PHLDB3: variants seen among roughly 807,000 people sequenced by gnomAD.
PHLDB3 encodes the protein pleckstrin homology like domain family B member 3, also known as pleckstrin homology-like domain family B member 3.
A neutral mutation model predicts 85.7 loss-of-function variants in PHLDB3; 86 were observed. The observed-to-expected ratio is 1.00, with a 90% CI of 0.84 to 1.20. The LOEUF (loss-of-function observed/expected upper bound fraction) is 1.20, where lower values mean the gene tolerates loss of function less well. Ranked by LOEUF, PHLDB3 falls within the 50% of genes most tolerant of loss-of-function variation. PHLDB3 has a pLI of 0.00. For missense variants in PHLDB3, 995 were observed against 873.0 expected (o/e 1.14, Z -1.76); for synonymous variants, 376 against 349.8 (o/e 1.07, Z -0.83).
intron 10 of PHLDB3, 61 bp from the exon 11 acceptor site, chr19:43,486,931 C>A: frequency 6.7e-7 from 1 of 1,481,600 alleles, no homozygotes; most frequent in Non-Finnish European, 9.0e-7. Flanking sequence ...CTATCCACTT[C>A]TCCCCTGCAG....
chr19:43,502,110 C>T lies in PHLDB3; in HGVS notation c.387G>A (p.Leu129=). 1.3e-6 allele frequency: 2 copies of T among 1,573,234 alleles called. No homozygotes were observed. Among genetic ancestry groups the T allele is most frequent in the Non-Finnish European group, 1.7e-6 (2 of 1,160,152 alleles). Residue 129 remains leucine, a synonymous_variant, in exon 3 of 16, where the codon CTG becomes CTA. Coordinates refer to ENST00000292140, the MANE Select transcript of PHLDB3 (RefSeq NM_198850.4). Reference sequence around the variant, plus strand: ...GGGTCCGCAGCCTCACCTCGATCCTCAGCTCCTTCCTCTGGCGCTGTAGCT... The same window carrying T: ...GGGTCCGCAGCCTCACCTCGATCCTTAGCTCCTTCCTCTGGCGCTGTAGCT... ...VKELQRQRKE[L]RIEMEVEVAL... is the part of the protein sequence containing the mutation.
In PHLDB3 at chr19:43,497,249, C is replaced by T; in HGVS notation, c.694G>A (p.Ala232Thr). 6.7e-7 allele frequency: 1 copy of T among 1,494,544 alleles called. No individual in the cohort carries two copies. Among genetic ancestry groups the T allele is most frequent in the Non-Finnish European group, 8.9e-7 (1 of 1,124,770 alleles). The allele number at this position is 1,494,544 out of a possible 1,614,324, so 92.6% of individuals were successfully genotyped here. A position where few individuals can be genotyped will look rare whatever the true frequency, so the allele number is the denominator to read the frequency against. Residue 232 changes from alanine to threonine, a missense_variant, in exon 6 of 16, where the codon GCC becomes ACC. Ala to Thr is a moderately conservative substitution (Grantham distance 58). Transcript: ENST00000292140. ...MREQLDVAQR[A>T]YEDLEFQQLE... ...TGCTGGAACTCCAGGTCCTCATAGG[C>T]ACGTTGGGCCACATCCAGTTGTTCC...
At chr19:43,496,291 A>G (rs1438409645) in intron 6 of PHLDB3, 1 of 152,204 alleles carries the variant, frequency 6.6e-6, no homozygotes, top group Non-Finnish European at 1.5e-5. Context: ...CTGGGATTAC[A>G]GGAGTGAGCC....
intron 4 of PHLDB3, among the ~76,000 whole-genome samples, chr19:43,499,687 T>A (rs761399565): frequency 6.6e-6 from 1 of 152,090 alleles, no homozygotes; most frequent in African/African-American, 2.4e-5. Flanking sequence ...CCTATAATGG[T>A]AACTGACCCA....
At chr19:43,487,689 C>T (rs1017734380) in intron 9 of PHLDB3, among the ~76,000 whole-genome samples, 13 of 151,322 alleles carry the variant, frequency 8.6e-5, no homozygotes, top group African/African-American at 2.9e-4. Flanking sequence ...ATCGGGGAAC[C>T]GAGAGGCTAA....
At chr19:43,503,644 G>T (rs1369569116) in intron 2 of PHLDB3, among the ~76,000 whole-genome samples, 2 of 152,028 alleles carry the variant, frequency 1.3e-5, no homozygotes, top group East Asian at 3.9e-4. Flanking sequence ...GCCCGTTTGG[G>T]TCTATCTCCG....
chr19:43,503,882 C>T (rs1416762901), intron 2 of PHLDB3, 24 bp downstream of exon 2: 1 of 1,613,040 alleles, frequency 6.2e-7, no homozygotes, highest in Admixed American at 1.7e-5. Flanking sequence ...AAGCCCCCCG[C>T]GCTGTCGCCC....
chr19:43,495,680 A>T, intron 6 of PHLDB3, 60 bp from the exon 7 acceptor site: 1 of 1,551,642 alleles, frequency 6.4e-7, no homozygotes, highest in South Asian at 1.2e-5. Context: ...CCTCCCACAG[A>T]ACCACATCTG....
intron 13 of PHLDB3, among the ~76,000 whole-genome samples, chr19:43,482,977 C>T (rs1568474203): frequency 6.6e-6 from 1 of 152,168 alleles, no homozygotes; most frequent in Admixed American, 6.6e-5. Context: ...GCTTTGTGTC[C>T]ATCTTCCCCC....
intron 15 of PHLDB3, among the ~76,000 whole-genome samples, chr19:43,476,416 G>A (rs932480396): frequency 5.9e-5 from 9 of 152,112 alleles, no homozygotes; most frequent in African/African-American, 2.2e-4. Context: ...AGGTTGAAGC[G>A]GATTGATTGC....
Position 43,487,585 on chromosome 19 carries a change from A to AAAACAAC in PHLDB3, c.1150-463_1150-462insGTTGTTT, listed in dbSNP as rs1555754918. Among the ~76,000 whole-genome samples, 9 of 141,708 alleles carry AAAACAAC rather than the reference A, an allele frequency of 6.4e-5. 1 individual carries two copies. Among genetic ancestry groups the AAAACAAC allele is most frequent in the Admixed American group, 3.5e-4 (5 of 14,282 alleles). The allele number at this position is 141,708 out of a possible 152,430, so 93.0% of individuals were successfully genotyped here. On this transcript the variant is annotated intron_variant, in intron 9 of 15. Coordinates refer to ENST00000292140, the MANE Select transcript of PHLDB3 (RefSeq NM_198850.4). ...GCAAGACTCTGTCTCAAAAAAAAAA[A>AAAACAAC]AAAAAAACACAGAAAAGAAAAAAAG...
chr19:43,479,415 CA>C lies in PHLDB3; in HGVS notation c.1663del (p.Cys555AlafsTer48), dbSNP rs746224551. ...CAAGCGGCGGGCTTGGCGGTCAAAG[CA>C]GAACCATCGCTTCCTCCAGGTCTTG... The part of the protein sequence containing the change: ...RIKTWRKRWF[C>X]FDRQARRLAY... On this transcript the variant is annotated frameshift_variant, in exon 14 of 16. Transcript: ENST00000292140. LOFTEE classifies it high-confidence loss of function. 2.6e-6 allele frequency: 4 copies of C among 1,565,046 alleles called. No homozygotes were observed. The highest frequency in any genetic ancestry group is 3.5e-6 in the Non-Finnish European group (4 of 1,155,248).
At chr19:43,501,175 C>CTTTTTTTT (rs59042804) in intron 4 of PHLDB3, among the ~76,000 whole-genome samples, 15 of 83,600 alleles carry the variant, frequency 1.8e-4, no homozygotes, top group South Asian at 4.5e-4. Context: ...TTCTTTTTCT[C>CTTTTTTTT]TTTTTTTTTT....
In PHLDB3 at chr19:43,480,115, A is replaced by AT. The variant is rs1182330242; in HGVS notation, c.1486-523dup. 4.6e-5 allele frequency among the ~76,000 whole-genome samples: 7 copies of AT among 151,206 alleles called. No homozygotes were observed. The South Asian group carries it at 6.3e-4, about 14-fold the overall frequency. On this transcript the variant is annotated intron_variant, in intron 13 of 15. Transcript: ENST00000292140. The stretch of plus-strand genomic sequence containing the variant: ...GAGATCCTGTCTCTGAAAAAAAAAA[A>AT]TTTTTTTTGGAAAAAAGAAATGAAG...
At chr19:43,498,014 C>A (rs1468939044) in intron 4 of PHLDB3, 138 bp from the exon 5 acceptor site, 1 of 1,311,562 alleles carries the variant, frequency 7.6e-7, no homozygotes, top group African/African-American at 1.5e-5. Flanking sequence ...CCTGTGCAGG[C>A]CTGCCTCACA....
rs755517207 is a variant in PHLDB3 at position 43,495,515 on chromosome 19, C to T, written c.931G>A (p.Ala311Thr). ...SRGLSRKKEEALQALSQERSR... is the reference protein window; with the variant it reads ...SRGLSRKKEETLQALSQERSR... ...CTCACCTGTGACAGGGCCTGAAGGGCCTCCTCCTTCTTCCGGCTCAACCCC... is the reference window on the plus strand; with the variant it reads ...CTCACCTGTGACAGGGCCTGAAGGGTCTCCTCCTTCTTCCGGCTCAACCCC... The change falls in exon 7 of 16, where the codon GCC becomes ACC. Residue 311 changes from alanine (A) to threonine (T), a missense_variant. Ala to Thr is a moderately conservative substitution (Grantham distance 58). Coordinates refer to ENST00000292140, the MANE Select transcript of PHLDB3 (RefSeq NM_198850.4). The T allele has an allele frequency of 6.2e-7, 1 of 1,605,846 alleles. No individual in the cohort carries two copies. The highest frequency in any genetic ancestry group is 8.5e-7 in the Non-Finnish European group (1 of 1,176,252).
At chr19:43,479,309 T>C (rs1386040898) in intron 14 of PHLDB3, 68 bp downstream of exon 14, 1 of 1,477,180 alleles carries the variant, frequency 6.8e-7, no homozygotes, top group African/African-American at 1.4e-5. Context: ...TTCTGGTGCC[T>C]GTAGAGGAAA....
chr19:43,497,193 C>G lies in PHLDB3; in HGVS notation c.750G>C (p.Glu250Asp). ...QLERESRQEE[E>D]DRDSPGPQVP... Reference sequence around the variant, plus strand: ...CCTGGGGCCCAGGGCTGTCCCGATCCTCCTCCTCCTGCCGGCTCTCCCGCT... The same window carrying G: ...CCTGGGGCCCAGGGCTGTCCCGATCGTCCTCCTCCTGCCGGCTCTCCCGCT... The change falls in exon 6 of 16, where the codon GAG becomes GAC. Residue 250 changes from glutamate (E) to aspartate (D), a missense_variant. By Grantham distance (45) the Glu-to-Asp change is conservative. Transcript: ENST00000292140. 6.4e-7 allele frequency: 1 copy of G among 1,559,798 alleles called. No homozygotes were observed. The highest frequency in any genetic ancestry group is 8.7e-7 in the Non-Finnish European group (1 of 1,155,284).
intron 9 of PHLDB3, among the ~76,000 whole-genome samples, chr19:43,492,614 G>C (rs1305925938): frequency 1.0e-5 from 1 of 98,948 alleles, no homozygotes; most frequent in Non-Finnish European, 1.9e-5. Context: ...GACAGAGCCA[G>C]ACCCTATCTC....
Sources: allele counts gnomAD v4.1 joint callset (sites outside exome capture counted in the v4.1 genomes callset), GRCh38; gene constraint gnomAD v4.1.1; transcripts MANE v1.5; gene names NCBI Gene and HGNC (gene_info 2026-07-23, HGNC 2026-07-21).